EXD3: variants seen among roughly 807,000 people sequenced by gnomAD.
EXD3 encodes the protein exonuclease 3'-5' domain containing 3.
EXD3 carries 92 observed loss-of-function variants against 98.0 expected under a neutral mutation model. That is an observed-to-expected ratio of 0.94 (90% CI 0.79 to 1.12). EXD3 has a LOEUF of 1.12. Ranked by LOEUF, EXD3 falls within the 50% of genes most tolerant of loss-of-function variation. The pLI is 0.00. For synonymous variants in EXD3, 569 were observed against 526.0 expected, an observed-to-expected ratio of 1.08 and a Z score of -1.12; for missense variants, 1,222 against 1,191.6, an observed-to-expected ratio of 1.03 and a Z score of -0.38.
At chr9:137,355,836 A>G (rs1377962635) in intron 8 of EXD3, among the ~76,000 whole-genome samples, 1 of 152,156 alleles carries the variant, frequency 6.6e-6, no homozygotes, top group African/African-American at 2.4e-5. Context: ...GCCTCAGTGC[A>G]TCTTCCCGGC....
rs200963461 is a variant in EXD3, at chr9:137,351,064, T to C, written c.1468A>G (p.Met490Val). 9.5e-5 allele frequency: 149 copies of C among 1,571,716 alleles called. No individual in the cohort carries two copies. The African/African-American group carries it at 1.7e-3, about 18-fold the overall frequency. The stretch of plus-strand genomic sequence containing the variant: ...TGTCTGTGCACCAGCAGCAGGTCCA[T>C]GCCGCCCAGAATCTGCTTCTCCACA... ...AHVEKQILGG[M>V]DLLLVHRQMR... Residue 490 changes from methionine (M) to valine (V), a missense_variant, in exon 14 of 22, where the codon ATG becomes GTG. Met to Val is a conservative substitution (Grantham distance 21). Coordinates refer to ENST00000340951, the MANE Select transcript of EXD3 (RefSeq NM_017820.5).
chr9:137,348,002 G>T (rs927870574), intron 17 of EXD3, 69 bp downstream of exon 17: 1 of 1,496,818 alleles, frequency 6.7e-7, no homozygotes, highest in East Asian at 2.4e-5. Context: ...TTGATGCTAG[G>T]GGTGGGCACA....
At chr9:137,331,022 C>G (rs1017676061) in intron 17 of EXD3, among the ~76,000 whole-genome samples, 1 of 152,124 alleles carries the variant, frequency 6.6e-6, no homozygotes, top group Non-Finnish European at 1.5e-5. Flanking sequence ...ACCCTGCAAA[C>G]GGAATCCAAC....
rs1396634211 is a variant in EXD3, at chr9:137,359,950, C to CT, written c.657-3583dup. 2.3e-5 allele frequency among the ~76,000 whole-genome samples: 2 copies of CT among 86,780 alleles called. 1 individual carries two copies. The highest frequency in any genetic ancestry group is 5.7e-5 in the Non-Finnish European group (2 of 35,200). 56.9% of individuals were successfully genotyped at this position (86,780 alleles called of 152,430 possible). On this transcript the variant is annotated intron_variant, in intron 7 of 21. Transcript: ENST00000340951. ...CAACATATGTCATAGGGTTGGCATACTTTTTTTGCTTTAGTAGAAACTGCT... is the reference window on the plus strand; with the variant it reads ...CAACATATGTCATAGGGTTGGCATACTTTTTTTTGCTTTAGTAGAAACTGCT...
At chr9:137,415,359 A>G (rs940383278) in intron 1 of EXD3, among the ~76,000 whole-genome samples, 1 of 151,856 alleles carries the variant, frequency 6.6e-6, no homozygotes, top group Non-Finnish European at 1.5e-5. Context: ...ATGCACAGCT[A>G]ATTTTTGTAA....
rs1051360282 is a variant in EXD3 at position 137,400,622 on chromosome 9, G to A, written c.-47-5218C>T. ...CTCTACTACAAATACAAAATTAGCC[G>A]GGCGTGGTGGCACCCACCTATAGTC... On this transcript the variant is annotated intron_variant, in intron 1 of 21. Transcript: ENST00000340951. Among the ~76,000 whole-genome samples the A allele has an allele frequency of 3.3e-5, 5 of 152,188 alleles. No individual in the cohort carries two copies. The South Asian group carries it at 6.2e-4, about 19-fold the overall frequency.
chr9:137,348,193 G>A lies in EXD3; in HGVS notation c.1876C>T (p.Pro626Ser), dbSNP rs372777188. The A allele has an allele frequency of 5.0e-6, 8 of 1,611,816 alleles. No homozygotes were observed. The Admixed American group carries it at 6.7e-5, about 13-fold the overall frequency. The change falls in exon 17 of 22, where the codon CCG becomes TCG. Residue 626 changes from proline to serine, a missense_variant. Coordinates refer to ENST00000340951, the MANE Select transcript of EXD3 (RefSeq NM_017820.5). ...CACACCACACGGAAGGCCCTGGCCG[G>A]AATCTGAGGGGCAGCGCCCTCAGAC... ...AVSEGAAPQI[P>S]ARAFRVVCDN...
chr9:137,362,120 C>G (rs747118970), intron 7 of EXD3, among the ~76,000 whole-genome samples: 48 of 152,112 alleles, frequency 3.2e-4, no homozygotes, highest in Admixed American at 2.6e-3. Flanking sequence ...ACACAGTTTT[C>G]CCAGAAAATG....
chr9:137,328,466 T>TAATATACTCCC (rs1402978540), intron 17 of EXD3, among the ~76,000 whole-genome samples: 11 of 7,048 alleles, frequency 1.6e-3, no homozygotes, highest in Admixed American at 5.6e-3. Context: ...AATATACACC[T>TAATATACTCCC]ATATGATGAG....
Position 137,405,764 on chromosome 9 carries a change from G to A in EXD3, c.-47-10360C>T, listed in dbSNP as rs1315783579. Among the ~76,000 whole-genome samples the A allele has an allele frequency of 6.6e-6, 1 of 152,238 alleles. No individual in the cohort carries two copies. Among genetic ancestry groups the A allele is most frequent in the Non-Finnish European group, 1.5e-5 (1 of 68,048 alleles). ...GTTAGCCTGACTCAGCATGAGCCTGGCTTCTCCTGCCGGCCGGCACAGGGG... is the reference window on the plus strand; with the variant it reads ...GTTAGCCTGACTCAGCATGAGCCTGACTTCTCCTGCCGGCCGGCACAGGGG... On this transcript the variant is annotated intron_variant, in intron 1 of 21. Transcript: ENST00000340951. The surrounding 1 kb of genome is among the most constrained non-coding windows in gnomAD (Gnocchi z 4.1).
intron 7 of EXD3, among the ~76,000 whole-genome samples, chr9:137,363,866 G>C (rs904177606): frequency 6.6e-6 from 1 of 152,120 alleles, no homozygotes; most frequent in Non-Finnish European, 1.5e-5. Context: ...GCATTAAGTT[G>C]CAAACAATAT....
chr9:137,361,487 C>T lies in EXD3; in HGVS notation c.656+5006G>A, dbSNP rs753198550. 9.3e-5 allele frequency among the ~76,000 whole-genome samples: 8 copies of T among 85,998 alleles called. 2 individuals are homozygous for T. The highest frequency in any genetic ancestry group is 2.3e-4 in the Non-Finnish European group (8 of 35,052). 56.4% of individuals were successfully genotyped at this position (85,998 alleles called of 152,430 possible). On this transcript the variant is annotated intron_variant, in intron 7 of 21. Transcript: ENST00000340951. ...GTTAGGCCGGGCACTGTGGCTCATG[C>T]CTGTAATCCCAGCACTTTGGGAGGC...
At chr9:137,308,101 C>T (rs761872683) in intron 20 of EXD3, among the ~76,000 whole-genome samples, 18 of 152,060 alleles carry the variant, frequency 1.2e-4, no homozygotes, top group Middle Eastern at 3.4e-3. Flanking sequence ...GGAAGTGGCT[C>T]GTGCTGGCCC....
chr9:137,395,582 G>A lies in EXD3; in HGVS notation c.-47-178C>T, dbSNP rs919005263. Among the ~76,000 whole-genome samples the A allele has an allele frequency of 6.6e-6, 1 of 152,086 alleles. No homozygotes were observed. The highest frequency in any genetic ancestry group is 1.5e-5 in the Non-Finnish European group (1 of 67,972). ...ACACTCCTCTCCCAGCTGGGGTGAC[G>A]GCTGCCAAGTTTGGACCCTGCATTC... On this transcript the variant is annotated intron_variant, in intron 1 of 21. Coordinates refer to ENST00000340951, the MANE Select transcript of EXD3 (RefSeq NM_017820.5). This position sits in a 1 kb window ranked among gnomAD's most constrained non-coding sequence, Gnocchi z 6.5.
intron 1 of EXD3, among the ~76,000 whole-genome samples, chr9:137,418,052 A>C (rs1026456298): frequency 2.0e-5 from 3 of 151,988 alleles, no homozygotes; most frequent in African/African-American, 7.2e-5. Flanking sequence ...TTCTCCTATT[A>C]ATCTCCTTTT....
Position 137,383,377 on chromosome 9 carries a change from C to A in EXD3, c.56G>T (p.Gly19Val). The change falls in exon 3 of 22, where the codon GGC becomes GTC. Residue 19 changes from glycine to valine, a missense_variant and splice_region_variant. Physicochemically the swap from Gly to Val is moderately radical, Grantham distance 109 (BLOSUM62 -3). Transcript: ENST00000340951. ...CTGCAGGAGCAGGAGGGGGTCCCGG[C>A]CTGTGGAGATAAGATAACAGCCGTG... ...DPAAGERHRM[G>V]RDPLLLLQAL... 1 of 1,545,676 alleles carries A rather than the reference C, an allele frequency of 6.5e-7. No homozygotes were observed. Among genetic ancestry groups the A allele is most frequent in the Non-Finnish European group, 8.7e-7 (1 of 1,143,556 alleles).
At chr9:137,316,717 G>A (rs1285225419) in intron 19 of EXD3, among the ~76,000 whole-genome samples, 1 of 152,246 alleles carries the variant, frequency 6.6e-6, no homozygotes, top group African/African-American at 2.4e-5. Context: ...CAACAGAGTG[G>A]GGCGAGGGCC....
intron 6 of EXD3, 175 bp downstream of exon 6, chr9:137,367,761 G>A: frequency 3.3e-6 from 2 of 603,638 alleles, no homozygotes; most frequent in Non-Finnish European, 5.9e-6. Flanking sequence ...TTTGGGGTCA[G>A]CCCATGAGGA....
At chr9:137,340,425 C>G (rs997022905) in intron 17 of EXD3, among the ~76,000 whole-genome samples, 1 of 151,442 alleles carries the variant, frequency 6.6e-6, no homozygotes, top group Non-Finnish European at 1.5e-5. Context: ...TGCAGTGAGC[C>G]GAGATCACAT....
Sources: allele counts gnomAD v4.1 joint callset (sites outside exome capture counted in the v4.1 genomes callset), GRCh38; gene constraint gnomAD v4.1.1; non-coding constraint Gnocchi (gnomAD v3.1); transcripts MANE v1.5; gene names NCBI Gene and HGNC (gene_info 2026-07-23, HGNC 2026-07-21).